The following MYBPC1 variants were observed in gnomAD, a reference collection of about 807,000 sequenced individuals.
MYBPC1 encodes the protein myosin binding protein C1, also known as myosin-binding protein C, slow-type.
In MYBPC1, 52 loss-of-function variants were observed where a neutral mutation model predicts 147.1. That is an observed-to-expected ratio of 0.35 (90% CI 0.28 to 0.45). The LOEUF (loss-of-function observed/expected upper bound fraction) is 0.45. Ranked by LOEUF, MYBPC1 falls within the 20% of genes least tolerant of loss-of-function variation. The pLI, the probability that MYBPC1 is intolerant of heterozygous loss-of-function variation, is 1.00. For synonymous variants in MYBPC1, 477 were observed against 475.9 expected (o/e 1.00, Z -0.03); for missense variants, 1,228 against 1,440.3 (o/e 0.85, Z 2.39).
chr12:101,651,775 A>G (rs1175214247), intron 16 of MYBPC1, among the ~76,000 whole-genome samples: 2 of 152,082 alleles, frequency 1.3e-5, no homozygotes, highest in Admixed American at 1.3e-4. Flanking sequence ...CCTCATCTCT[A>G]CAAAAAACAC....
chr12:101,677,453 G>A, intron 27 of MYBPC1, 59 bp downstream of exon 27: 1 of 1,597,870 alleles, frequency 6.3e-7, no homozygotes, highest in Non-Finnish European at 8.6e-7. Context: ...AGACAGAGAA[G>A]ACTGGAAAAA....
At chr12:101,595,223 G>A (rs1038494178) in intron 1 of MYBPC1, 128 bp downstream of exon 1, 11 of 874,656 alleles carry the variant, frequency 1.3e-5, no homozygotes, top group East Asian at 1.1e-4. Context: ...TTAAGGAAAC[G>A]ATCTTTTAGA....
At chr12:101,677,478 G>C in intron 27 of MYBPC1, 84 bp downstream of exon 27, 1 of 1,514,690 alleles carries the variant, frequency 6.6e-7, no homozygotes, top group Non-Finnish European at 9.1e-7. Flanking sequence ...TGTGGTGAAA[G>C]GGAACAAAAA....
chr12:101,670,456 G>A lies in MYBPC1; in HGVS notation c.2613+47G>A, dbSNP rs1898406217. The A allele has an allele frequency of 6.7e-6, 10 of 1,497,172 alleles. No homozygotes were observed. The African/African-American group carries it at 1.1e-4, about 17-fold the overall frequency. The allele number at this position is 1,497,172 out of a possible 1,614,324, so 92.7% of individuals were successfully genotyped here. The stretch of plus-strand genomic sequence containing the variant: ...TTTTTCTCTTTAGAGGGCTGGATTA[G>A]TTTAGGAAGTGGGAAGAGGTACTCT... On this transcript the variant is annotated intron_variant, in intron 24 of 31. Transcript: ENST00000361466.
At chr12:101,677,737 C>T (rs1268627970) in intron 27 of MYBPC1, among the ~76,000 whole-genome samples, 1 of 152,200 alleles carries the variant, frequency 6.6e-6, no homozygotes, top group Non-Finnish European at 1.5e-5. Flanking sequence ...ATGGGACCCA[C>T]TCTGTGATAA....
chr12:101,662,659 G>A, intron 21 of MYBPC1, 113 bp downstream of exon 21: 2 of 1,211,904 alleles, frequency 1.7e-6, no homozygotes, highest in Non-Finnish European at 2.4e-6. Flanking sequence ...GTTGTAGGTG[G>A]GCAGGAGCTT....
chr12:101,687,551 A>G (rs1951369491), downstream of MYBPC1, among the ~76,000 whole-genome samples: 1 of 152,220 alleles, frequency 6.6e-6, no homozygotes. Context: ...TTTAATCAAG[A>G]AAGCTACGTG....
the MYBPC1 span, among the ~76,000 whole-genome samples, chr12:101,691,800 G>A: frequency 6.6e-6 from 1 of 152,192 alleles, no homozygotes; most frequent in Non-Finnish European, 1.5e-5. Context: ...TTTAAATGAT[G>A]GATGTCTACT....
intron 29 of MYBPC1, among the ~76,000 whole-genome samples, chr12:101,680,733 T>A (rs547448218): frequency 1.3e-5 from 2 of 152,326 alleles, no homozygotes; most frequent in African/African-American, 4.8e-5. Context: ...ACTTTATTTG[T>A]GGAAGGCTAC....
chr12:101,607,501 T>C (rs1014842732), intron 1 of MYBPC1, among the ~76,000 whole-genome samples: 2 of 152,120 alleles, frequency 1.3e-5, no homozygotes, highest in Non-Finnish European at 2.9e-5. Flanking sequence ...TTTTCTCTTA[T>C]GCCTCAAATT....
At chr12:101,681,171 C>T (rs973988867) in intron 29 of MYBPC1, among the ~76,000 whole-genome samples, 4 of 151,988 alleles carry the variant, frequency 2.6e-5, no homozygotes, top group Admixed American at 2.0e-4. Context: ...AGGATTTATG[C>T]GGTTGAAAAG....
Position 101,663,467 on chromosome 12 carries a change from A to G in MYBPC1, c.2263A>G (p.Thr755Ala). 6.2e-7 allele frequency: 1 copy of G among 1,614,036 alleles called. No homozygotes were observed. The highest frequency in any genetic ancestry group is 8.5e-7 in the Non-Finnish European group (1 of 1,179,908). The change falls in exon 22 of 32, where the codon ACT becomes GCT. Residue 755 changes from threonine (T) to alanine (A), a missense_variant. Coordinates refer to ENST00000361466, the MANE Select transcript of MYBPC1 (RefSeq NM_002465.4). ...PPTLLTVDSV[T>A]DTTVTMRWRP... ...TACTCTTCTGACTGTGGACTCTGTC[A>G]CTGACACGACTGTCACGATGAGGTG...
Position 101,680,214 on chromosome 12 carries a change from A to G in MYBPC1, c.3247-129A>G, listed in dbSNP as rs956512620. On this transcript the variant is annotated intron_variant, in intron 28 of 31. Transcript: ENST00000361466. Reference sequence around the variant, plus strand: ...TAATGTGAGAAATAGTGTCAAGTAAAAGTCTATCCTTCTCAGATGCACTTT... The same window carrying G: ...TAATGTGAGAAATAGTGTCAAGTAAGAGTCTATCCTTCTCAGATGCACTTT... The G allele has an allele frequency of 1.9e-5, 17 of 886,182 alleles. No homozygotes were observed. The East Asian group carries it at 4.5e-4, about 24-fold the overall frequency. The allele number at this position is 886,182 out of a possible 1,614,324, so 54.9% of individuals were successfully genotyped here.
chr12:101,624,771 G>A (rs1482916370), intron 3 of MYBPC1, among the ~76,000 whole-genome samples: 3 of 135,236 alleles, frequency 2.2e-5, no homozygotes, highest in East Asian at 2.2e-4. Flanking sequence ...TTTTAAGTAC[G>A]AAGATTTTAT....
chr12:101,682,519 A>G, intron 29 of MYBPC1, 85 bp from the exon 30 acceptor site: 1 of 1,268,368 alleles, frequency 7.9e-7, no homozygotes. Context: ...ATAATAGGTA[A>G]CTTGAATCAA....
chr12:101,612,327 CA>C (rs973792897), intron 1 of MYBPC1, among the ~76,000 whole-genome samples: 7 of 152,134 alleles, frequency 4.6e-5, no homozygotes, highest in Non-Finnish European at 1.0e-4. Context: ...CATGATTGCA[CA>C]ATGAATAAGG....
chr12:101,658,749 G>A (rs1330461616), intron 18 of MYBPC1, among the ~76,000 whole-genome samples: 1 of 152,100 alleles, frequency 6.6e-6, no homozygotes. Flanking sequence ...CTGATATGAG[G>A]AAATTTTGTT....
At chr12:101,636,777 GACA>G in intron 10 of MYBPC1, 49 bp downstream of exon 10, 1 of 1,486,890 alleles carries the variant, frequency 6.7e-7, no homozygotes. Flanking sequence ...AAGTCTTTCA[GACA>G]CCCACTCAGA....
chr12:101,674,958 A>G (rs564699547), intron 25 of MYBPC1, among the ~76,000 whole-genome samples: 2 of 151,948 alleles, frequency 1.3e-5, no homozygotes, highest in African/African-American at 4.8e-5. Flanking sequence ...ATTTCAGTAA[A>G]TTTGCTGAAA....
Sources: allele counts gnomAD v4.1 joint callset (sites outside exome capture counted in the v4.1 genomes callset), GRCh38; gene constraint gnomAD v4.1.1; transcripts MANE v1.5; gene names NCBI Gene and HGNC (gene_info 2026-07-23, HGNC 2026-07-21).